The following MAPRE2 variants were observed in gnomAD, a reference collection of about 807,000 sequenced individuals.
MAPRE2 encodes microtubule-associated protein RP/EB family member 2.
In MAPRE2, 13 loss-of-function variants were observed where a neutral mutation model predicts 43.2. The observed-to-expected ratio is 0.30, with a 90% CI of 0.20 to 0.48. The LOEUF (loss-of-function observed/expected upper bound fraction) is 0.48. Ranked by LOEUF, MAPRE2 falls within the 20% of genes least tolerant of loss-of-function variation. The pLI, the probability that MAPRE2 is intolerant of heterozygous loss-of-function variation, is 0.99. For synonymous variants in MAPRE2, 135 were observed against 148.8 expected (o/e 0.91, Z 0.68); for missense variants, 161 against 400.2 (o/e 0.40, Z 5.10).
At chr18:35,070,161 C>G in intron 1 of MAPRE2, 34 bp from the exon 2 acceptor site, 1 of 1,560,092 alleles carries the variant, frequency 6.4e-7, no homozygotes. Flanking sequence ...GAGTTAATTT[C>G]CTTGTTGTTA....
intron 1 of MAPRE2, among the ~76,000 whole-genome samples, chr18:34,995,960 T>A (rs919636772): frequency 2.0e-5 from 3 of 152,150 alleles, no homozygotes; most frequent in Admixed American, 2.0e-4. Flanking sequence ...CGGCTAGACG[T>A]ACTGAATCAT....
At chr18:35,083,206 T>A (rs894215240) in intron 2 of MAPRE2, among the ~76,000 whole-genome samples, 5 of 152,216 alleles carry the variant, frequency 3.3e-5, no homozygotes, top group Admixed American at 2.0e-4. Flanking sequence ...ACCTTACATA[T>A]TTAATCAATC....
At chr18:35,099,425 G>A (rs989558245) in intron 3 of MAPRE2, among the ~76,000 whole-genome samples, 2 of 152,152 alleles carry the variant, frequency 1.3e-5, no homozygotes, top group African/African-American at 2.4e-5. Context: ...GACCAGCCTG[G>A]TCAACATTGT....
intron 1 of MAPRE2, among the ~76,000 whole-genome samples, chr18:35,004,133 C>T (rs552920756): frequency 3.2e-4 from 49 of 152,060 alleles, no homozygotes; most frequent in Non-Finnish European, 6.3e-4. Context: ...TTGTTTTTCA[C>T]CTTTTTTTAA....
At chr18:35,106,952 A>G (rs1263418095) in intron 4 of MAPRE2, among the ~76,000 whole-genome samples, 2 of 152,200 alleles carry the variant, frequency 1.3e-5, no homozygotes, top group East Asian at 3.8e-4. Flanking sequence ...GCAACTCAAG[A>G]TAGCTGTTGG....
chr18:35,107,860 T>C (rs575295248), intron 4 of MAPRE2, among the ~76,000 whole-genome samples: 1 of 152,250 alleles, frequency 6.6e-6, no homozygotes, highest in South Asian at 2.1e-4. Context: ...CTGTTGAATT[T>C]TCCTGCATTG....
intron 1 of MAPRE2, among the ~76,000 whole-genome samples, chr18:34,993,577 T>C (rs760599043): frequency 2.0e-5 from 3 of 152,330 alleles, no homozygotes; most frequent in Admixed American, 6.5e-5. Flanking sequence ...AGAAAGACCA[T>C]ACATCAACAG....
At chr18:35,116,563 T>C (rs1023272055) in intron 4 of MAPRE2, among the ~76,000 whole-genome samples, 1 of 152,188 alleles carries the variant, frequency 6.6e-6, no homozygotes, top group Non-Finnish European at 1.5e-5. Context: ...AGTTGTTGAC[T>C]TGAGGCTGCA....
At chr18:35,097,050 G>A (rs1264595984) in intron 2 of MAPRE2, among the ~76,000 whole-genome samples, 1 of 152,052 alleles carries the variant, frequency 6.6e-6, no homozygotes, top group African/African-American at 2.4e-5. Flanking sequence ...AGTTTATTTT[G>A]ATGACTTGGA....
chr18:35,004,835 G>T (rs1211998629), intron 1 of MAPRE2, among the ~76,000 whole-genome samples: 1 of 151,534 alleles, frequency 6.6e-6, no homozygotes, highest in South Asian at 2.1e-4. Flanking sequence ...GGAGAATGGC[G>T]TGAGCCCAGG....
chr18:35,028,940 T>C (rs1225470868), intron 2 of MAPRE2, among the ~76,000 whole-genome samples: 1 of 152,098 alleles, frequency 6.6e-6, no homozygotes, highest in Non-Finnish European at 1.5e-5. Flanking sequence ...GACTAAGACC[T>C]CTGGTTTTCC....
intron 1 of MAPRE2, among the ~76,000 whole-genome samples, chr18:35,056,313 CTTA>C (rs1375685240): frequency 1.3e-5 from 2 of 151,886 alleles, no homozygotes; most frequent in African/African-American, 2.4e-5. Context: ...GTTTATTATG[CTTA>C]TTATTATAAC....
chr18:35,084,494 A>T (rs1283505831), intron 2 of MAPRE2, among the ~76,000 whole-genome samples: 2 of 152,206 alleles, frequency 1.3e-5, no homozygotes, highest in South Asian at 4.1e-4. Flanking sequence ...CCTTTTAATT[A>T]ATCTGCTGAT....
chr18:35,105,352 T>G (rs1268419686), intron 4 of MAPRE2, among the ~76,000 whole-genome samples: 2 of 152,118 alleles, frequency 1.3e-5, no homozygotes, highest in Non-Finnish European at 2.9e-5. Flanking sequence ...TTTTCAGAAG[T>G]CAAACTGCCA....
At chr18:35,074,072 A>G (rs1352020408) in intron 2 of MAPRE2, among the ~76,000 whole-genome samples, 1 of 152,206 alleles carries the variant, frequency 6.6e-6, no homozygotes. Context: ...AAGGTGAGCT[A>G]TATAAATGGA....
At chr18:35,089,835 C>T (rs1409890648) in intron 2 of MAPRE2, among the ~76,000 whole-genome samples, 2 of 152,088 alleles carry the variant, frequency 1.3e-5, no homozygotes, top group Non-Finnish European at 1.5e-5. Context: ...AACTTGTACA[C>T]AACTGTTTGT....
intron 1 of MAPRE2, among the ~76,000 whole-genome samples, chr18:34,981,569 T>C (rs992642220): frequency 1.3e-5 from 2 of 152,182 alleles, no homozygotes; most frequent in African/African-American, 4.8e-5. Context: ...CTTATTACCT[T>C]AAATTTATAT....
intron 4 of MAPRE2, 61 bp from the exon 5 acceptor site, chr18:35,126,887 A>C (rs1301895942): frequency 1.5e-5 from 21 of 1,438,412 alleles, no homozygotes; most frequent in Non-Finnish European, 1.7e-5. Context: ...TTCATTTTCT[A>C]TGTATCTAAA....
intron 1 of MAPRE2, among the ~76,000 whole-genome samples, chr18:35,003,815 C>T (rs1268356733): frequency 1.3e-5 from 2 of 152,118 alleles, no homozygotes; most frequent in Non-Finnish European, 2.9e-5. Context: ...TGGATGGGAA[C>T]CAATATTGTT....
Sources: allele counts gnomAD v4.1 joint callset (sites outside exome capture counted in the v4.1 genomes callset), GRCh38; gene constraint gnomAD v4.1.1; transcripts MANE v1.5; gene names NCBI Gene and HGNC (gene_info 2026-07-23, HGNC 2026-07-21).